SEC14L5: variants seen among roughly 807,000 people sequenced by gnomAD.
SEC14L5 encodes SEC14-like protein 5.
In SEC14L5, 96 loss-of-function variants were observed where a neutral mutation model predicts 84.6. The observed-to-expected ratio is 1.13, with a 90% CI of 0.96 to 1.34. The LOEUF (loss-of-function observed/expected upper bound fraction) is 1.34, where lower values mean the gene tolerates loss of function less well. Among genes scored for constraint, SEC14L5 ranks in the 40% most tolerant of loss-of-function variants. The pLI is 0.00. For synonymous variants in SEC14L5, 546 were observed against 383.4 expected (o/e 1.42, Z -4.95); for missense variants, 1,224 against 942.5 (o/e 1.30, Z -3.91).
Position 4,996,460 on chromosome 16 carries a change from G to T in SEC14L5, c.780G>T (p.Lys260Asn), listed in dbSNP as rs1245393189. ...RHWLQETHKG[K>N]IPKDEHILRF... is the part of the protein sequence containing the mutation. ...GGTTACAGGAGACCCACAAAGGCAAGGTGGGTGCAGGGGGTACCCTGGAGC... is the reference window on the plus strand; with the variant it reads ...GGTTACAGGAGACCCACAAAGGCAATGTGGGTGCAGGGGGTACCCTGGAGC... Residue 260 changes from lysine (K) to asparagine (N), a missense_variant and splice_region_variant, in exon 7 of 16, where the codon AAG becomes AAT. Transcript: ENST00000251170. 1 of 1,533,032 alleles carries T rather than the reference G, an allele frequency of 6.5e-7. No homozygotes were observed. 95.0% of individuals were successfully genotyped at this position (1,533,032 alleles called of 1,614,324 possible).
intron 3 of SEC14L5, among the ~76,000 whole-genome samples, 175 bp from the exon 4 acceptor site, chr16:4,987,974 C>A (rs938144138): frequency 1.3e-5 from 2 of 148,778 alleles, no homozygotes; most frequent in Non-Finnish European, 3.0e-5. Flanking sequence ...GATGGGTTGG[C>A]GGCAGGGCGG....
chr16:5,016,041 A>G lies in SEC14L5; in HGVS notation c.*1071A>G, dbSNP rs1955871783. On this transcript the variant is annotated 3_prime_UTR_variant, in exon 16 of 16. Coordinates refer to ENST00000251170, the MANE Select transcript of SEC14L5 (RefSeq NM_014692.2). ...GAGACCCATGCCCAGGTGCTTCAAC[A>G]CAAAAGCATGATCATTCATGGGTGC... is the stretch of plus-strand genomic sequence containing the variant. 1 of 152,196 alleles carries G rather than the reference A, an allele frequency of 6.6e-6. No individual in the cohort carries two copies. Among genetic ancestry groups the G allele is most frequent in the African/African-American group, 2.4e-5 (1 of 41,426 alleles). The allele number at this position is 152,196 out of a possible 1,614,324, so 9.4% of individuals were successfully genotyped here.
rs565095784 is a variant in SEC14L5 at position 4,972,960 on chromosome 16, G to A, written c.63+13574G>A. 8.5e-5 allele frequency among the ~76,000 whole-genome samples: 13 copies of A among 152,334 alleles called. 1 individual carries two copies. The South Asian group carries it at 2.1e-3, about 24-fold the overall frequency. On this transcript the variant is annotated intron_variant, in intron 2 of 15. Coordinates refer to ENST00000251170, the MANE Select transcript of SEC14L5 (RefSeq NM_014692.2). The stretch of plus-strand genomic sequence containing the variant: ...ATGCTGTTGCTCATTCATTCGTCCT[G>A]TAAATGTCTATTGAGTGTTGACTAT...
At chr16:4,998,366 C>G (rs568115186) in intron 8 of SEC14L5, among the ~76,000 whole-genome samples, 121 of 151,996 alleles carry the variant, frequency 8.0e-4, no homozygotes, top group African/African-American at 2.7e-3. Context: ...CCACCCATTA[C>G]AAATATCTTT....
At chr16:4,996,529 G>T in intron 7 of SEC14L5, 69 bp downstream of exon 7, 1 of 775,974 alleles carries the variant, frequency 1.3e-6, no homozygotes, top group Non-Finnish European at 2.2e-6. Flanking sequence ...TCCGTGCATG[G>T]GAAGGAAAGG....
intron 14 of SEC14L5, among the ~76,000 whole-genome samples, 176 bp downstream of exon 14, chr16:5,008,824 C>A (rs1955766812): frequency 6.6e-6 from 1 of 152,222 alleles, no homozygotes; most frequent in African/African-American, 2.4e-5. Context: ...AAGTGCTCAC[C>A]TGCCCAATGG....
At position 4,987,671 on chromosome 16, in the gene SEC14L5, C is replaced by T. The variant is rs375888958; in HGVS notation, c.178C>T (p.Arg60Trp). 7.1e-6 allele frequency: 11 copies of T among 1,543,142 alleles called. No individual in the cohort carries two copies. In the South Asian group the frequency reaches 7.2e-5, roughly 10 times the overall value. ...GAVHVVERSC[R>W]LRVDAPRLLR... ...TGTGCACGTGGTGGAGCGGAGCTGC[C>T]GGCTGCGCGTGGACGCCCCGCGGCT... Residue 60 changes from arginine (R) to tryptophan (W), a missense_variant, in exon 3 of 16, where the codon CGG becomes TGG. Physicochemically the swap from Arg to Trp is moderately radical, Grantham distance 101. Coordinates refer to ENST00000251170, the MANE Select transcript of SEC14L5 (RefSeq NM_014692.2).
In SEC14L5 at chr16:4,980,000, G is replaced by C. The variant is rs1302085787; in HGVS notation, c.64-7557G>C. 2.0e-5 allele frequency among the ~76,000 whole-genome samples: 3 copies of C among 152,202 alleles called. 1 individual carries two copies. The highest frequency in any genetic ancestry group is 2.0e-4 in the Admixed American group (3 of 15,276). On this transcript the variant is annotated intron_variant, in intron 2 of 15. Coordinates refer to ENST00000251170, the MANE Select transcript of SEC14L5 (RefSeq NM_014692.2). The stretch of plus-strand genomic sequence containing the variant: ...TGACGTAGCCAGAGATTCTGAGGCA[G>C]GACACAGTGATTCAGGGTTGTCGTC...
At chr16:4,999,678 G>A (rs949228876) in intron 8 of SEC14L5, among the ~76,000 whole-genome samples, 1 of 151,326 alleles carries the variant, frequency 6.6e-6, no homozygotes, top group Non-Finnish European at 1.5e-5. Context: ...ATTTTGGAAG[G>A]CCGAGGCGGC....
rs34324146 is a variant in SEC14L5 at position 4,973,680 on chromosome 16, C to CTTTTTT, written c.64-13862_64-13857dup. On this transcript the variant is annotated intron_variant, in intron 2 of 15. Transcript: ENST00000251170. Reference sequence around the variant, plus strand: ...TATGTGATTTCTTTTTTCTCTGTCTCTTTTTTTTTTTTTTTTTTTTGAGAC... The same window carrying CTTTTTT: ...TATGTGATTTCTTTTTTCTCTGTCTCTTTTTTTTTTTTTTTTTTTTTTTTTTGAGAC... 5.5e-5 allele frequency among the ~76,000 whole-genome samples: 7 copies of CTTTTTT among 127,104 alleles called. 1 individual carries two copies. Among genetic ancestry groups the CTTTTTT allele is most frequent in the South Asian group, 5.1e-4 (2 of 3,938 alleles). The allele number at this position is 127,104 out of a possible 152,430, so 83.4% of individuals were successfully genotyped here.
At chr16:4,987,737 AG>A in intron 3 of SEC14L5, 31 bp downstream of exon 3, 1 of 1,247,388 alleles carries the variant, frequency 8.0e-7, no homozygotes, top group Non-Finnish European at 1.0e-6. Context: ...GGGGCGGAGG[AG>A]GGGACCTGTT....
intron 15 of SEC14L5, among the ~76,000 whole-genome samples, chr16:5,013,305 A>G (rs55635073): frequency 0.2 from 31,111 of 151,968 alleles, 3,838 homozygotes; most frequent in Admixed American, 0.32. Flanking sequence ...GTTGGGAGAG[A>G]GGGTGGGGGA....
intron 8 of SEC14L5, among the ~76,000 whole-genome samples, chr16:5,000,183 C>G (rs1020655807): frequency 6.6e-6 from 1 of 150,478 alleles, no homozygotes; most frequent in Non-Finnish European, 1.5e-5. Flanking sequence ...CCCAGCTACT[C>G]GGGAGGCTGA....
In SEC14L5 at chr16:5,014,923, T is replaced by A. The variant is rs1225551914; in HGVS notation, c.2044T>A (p.Ser682Thr). ...GFSQLSAATS[S>T]SSSGQSHSSS... ...CTCCCAGCTCAGCGCCGCCACCTCG[T>A]CCTCCTCCTCCGGCCAGTCTCATAG... The change falls in exon 16 of 16, where the codon TCC (serine) becomes ACC (threonine). Residue 682 changes from serine (S) to threonine (T), a missense_variant. Coordinates refer to ENST00000251170, the MANE Select transcript of SEC14L5 (RefSeq NM_014692.2). The A allele has an allele frequency of 6.2e-7, 1 of 1,610,858 alleles. No homozygotes were observed. The highest frequency in any genetic ancestry group is 1.1e-5 in the South Asian group (1 of 91,054).
chr16:4,988,418 G>T, intron 4 of SEC14L5, 138 bp downstream of exon 4: 1 of 1,082,772 alleles, frequency 9.2e-7, no homozygotes, highest in Non-Finnish European at 1.3e-6. Context: ...GAAAGATGCA[G>T]GATGCTTGGT....
intron 11 of SEC14L5, among the ~76,000 whole-genome samples, chr16:5,005,541 T>C (rs1277172299): frequency 6.6e-6 from 1 of 151,162 alleles, no homozygotes; most frequent in Non-Finnish European, 1.5e-5. Context: ...ATTAATTCTA[T>C]GTTGTATAAA....
intron 2 of SEC14L5, among the ~76,000 whole-genome samples, chr16:4,961,155 C>T (rs947467009): frequency 1.3e-5 from 2 of 151,672 alleles, no homozygotes; most frequent in Non-Finnish European, 2.9e-5. Flanking sequence ...CACCTGTAGT[C>T]CCATCTACTC....
chr16:4,990,937 C>T (rs1270306064), intron 5 of SEC14L5, 42 bp downstream of exon 5: 10 of 1,495,164 alleles, frequency 6.7e-6, no homozygotes, highest in South Asian at 1.3e-5. Flanking sequence ...AAGGTGCACA[C>T]ACCTGCTCTG....
chr16:4,988,399 CA>C (rs1258218629), intron 4 of SEC14L5, 119 bp downstream of exon 4: 3 of 1,288,530 alleles, frequency 2.3e-6, no homozygotes, highest in Middle Eastern at 2.0e-4. Flanking sequence ...CCTCCTGGGG[CA>C]TTGTCAAGAA....
Sources: allele counts gnomAD v4.1 joint callset (sites outside exome capture counted in the v4.1 genomes callset), GRCh38; gene constraint gnomAD v4.1.1; transcripts MANE v1.5; gene names NCBI Gene and HGNC (gene_info 2026-07-23, HGNC 2026-07-21).